Variants in FGF1 observed in about 807,000 individuals in gnomAD.
FGF1 encodes beta-endothelial cell growth factor.
A neutral mutation model predicts 13.4 loss-of-function variants in FGF1; 9 were observed. The ratio of observed to expected loss-of-function variants is 0.67; its 90% CI spans 0.40 to 1.17. The LOEUF is 1.17. Ranked by LOEUF, FGF1 falls within the 50% of genes most tolerant of loss-of-function variation. The pLI is 0.01. For synonymous variants in FGF1, 93 were observed against 79.0 expected (o/e 1.18, Z -0.94); for missense variants, 156 against 192.7 (o/e 0.81, Z 1.13).
At chr5:142,691,430 TAAAATAAAATAA>T (rs1297241088) in intron 2 of FGF1, among the ~76,000 whole-genome samples, 22 of 70,098 alleles carry the variant, frequency 3.1e-4, no homozygotes, top group Admixed American at 1.6e-3. Context: ...TCAAATAAAA[TAAAATAAAATAA>T]AATAAAATAA....
chr5:142,641,808 A>G lies in FGF1; in HGVS notation c.-34-27647T>C, dbSNP rs60588374. On this transcript the variant is annotated intron_variant, in intron 1 of 3. Transcript: ENST00000337706. ...TATTCAATTTCGGTTTACAAATGGAATACGTAAAGAGAATCTTATGATTCC... is the reference window on the plus strand; with the variant it reads ...TATTCAATTTCGGTTTACAAATGGAGTACGTAAAGAGAATCTTATGATTCC... Among the ~76,000 whole-genome samples the G allele has an allele frequency of 1.0e-3, 159 of 151,960 alleles. 4 individuals are homozygous for G. The highest frequency in any genetic ancestry group is 3.8e-3 in the African/African-American group (156 of 41,204).
At chr5:142,612,391 T>C (rs1759260241) in intron 2 of FGF1, among the ~76,000 whole-genome samples, 1 of 152,188 alleles carries the variant, frequency 6.6e-6, no homozygotes, top group South Asian at 2.1e-4. Context: ...ATCATGAAGT[T>C]TGTCTTTCCT....
intron 1 of FGF1, among the ~76,000 whole-genome samples, chr5:142,668,690 T>C (rs1770899804): frequency 6.6e-6 from 1 of 152,250 alleles, no homozygotes; most frequent in Non-Finnish European, 1.5e-5. Flanking sequence ...AACAAGATAG[T>C]GCAAGGGAAG....
chr5:142,671,443 G>A (rs187634840), intron 1 of FGF1, among the ~76,000 whole-genome samples: 38 of 152,260 alleles, frequency 2.5e-4, no homozygotes, highest in Admixed American at 1.6e-3. Flanking sequence ...ACAGACAATC[G>A]TAAAACACAG....
At chr5:142,669,282 A>G (rs1386159892) in intron 1 of FGF1, among the ~76,000 whole-genome samples, 3 of 152,246 alleles carry the variant, frequency 2.0e-5, no homozygotes, top group Non-Finnish European at 4.4e-5. Context: ...AGCAGAGGCC[A>G]CGGGGCACAG....
intron 2 of FGF1, among the ~76,000 whole-genome samples, chr5:142,693,419 G>A (rs1481122892): frequency 6.6e-6 from 1 of 152,088 alleles, no homozygotes; most frequent in African/African-American, 2.4e-5. Flanking sequence ...AGCCTCCCGA[G>A]TAGCTGGGAT....
At position 142,662,313 on chromosome 5, in the gene FGF1, A is replaced by T. The variant is rs138345610; in HGVS notation, c.-35+23644T>A. Among the ~76,000 whole-genome samples the T allele has an allele frequency of 2.0e-3, 308 of 152,328 alleles. 2 individuals are homozygous for T. Among genetic ancestry groups the T allele is most frequent in the African/African-American group, 6.9e-3 (288 of 41,574 alleles). Reference sequence around the variant, plus strand: ...AAATGTTCTCACCTCGTTCACTAATAGTGTCTCTTTTTTCCCAATTTCTTA... The same window carrying T: ...AAATGTTCTCACCTCGTTCACTAATTGTGTCTCTTTTTTCCCAATTTCTTA... On this transcript the variant is annotated intron_variant, in intron 1 of 3. Coordinates refer to ENST00000337706, the MANE Select transcript of FGF1 (RefSeq NM_000800.5).
At chr5:142,693,758 G>A (rs533438946) in intron 2 of FGF1, among the ~76,000 whole-genome samples, 2 of 152,122 alleles carry the variant, frequency 1.3e-5, no homozygotes, top group South Asian at 4.2e-4. Context: ...TCCTGTTCTG[G>A]CCGTTTCATA....
intron 2 of FGF1, among the ~76,000 whole-genome samples, chr5:142,695,102 T>C (rs1402888596): frequency 1.3e-5 from 2 of 152,168 alleles, no homozygotes; most frequent in Non-Finnish European, 2.9e-5. Flanking sequence ...TTACTAGATG[T>C]ATAATTTAGG....
At chr5:142,610,858 T>C (rs1324400178) in intron 2 of FGF1, among the ~76,000 whole-genome samples, 2 of 152,136 alleles carry the variant, frequency 1.3e-5, no homozygotes, top group East Asian at 3.8e-4. Context: ...TAAGGAAGGT[T>C]AGGTACTTGG....
At chr5:142,598,432 TGTC>T (rs1268358106) in intron 3 of FGF1, among the ~76,000 whole-genome samples, 1 of 152,180 alleles carries the variant, frequency 6.6e-6, no homozygotes, top group African/African-American at 2.4e-5. Context: ...TTGTTTAAAT[TGTC>T]TTCTTTTTTA....
At chr5:142,647,737 G>A (rs1240527301) in intron 1 of FGF1, among the ~76,000 whole-genome samples, 3 of 152,128 alleles carry the variant, frequency 2.0e-5, no homozygotes, top group South Asian at 2.1e-4. Flanking sequence ...GTCACATGAG[G>A]TCAGGTGTAG....
intron 1 of FGF1, among the ~76,000 whole-genome samples, chr5:142,629,281 G>C (rs887232795): frequency 1.3e-5 from 2 of 152,098 alleles, no homozygotes; most frequent in Non-Finnish European, 2.9e-5. Flanking sequence ...TCAGCCTCCT[G>C]AGTAGCTCAG....
intron 1 of FGF1, among the ~76,000 whole-genome samples, chr5:142,650,702 G>A (rs1347517519): frequency 1.3e-5 from 2 of 151,896 alleles, no homozygotes; most frequent in Non-Finnish European, 2.9e-5. Context: ...TATGTATACT[G>A]TGGTCTCATT....
Position 142,658,848 on chromosome 5 carries a change from C to T in FGF1, c.-35+27109G>A, listed in dbSNP as rs138564305. 3.4e-3 allele frequency among the ~76,000 whole-genome samples: 516 copies of T among 152,152 alleles called. 4 individuals carry two copies. Among genetic ancestry groups the T allele is most frequent in the African/African-American group, 0.012 (493 of 41,488 alleles). ...CATGGTGCTCTGGGGATGCTTCTGC[C>T]GTGATCATGAACTCTTCCAGGGGAG... On this transcript the variant is annotated intron_variant, in intron 1 of 3. Transcript: ENST00000337706.
rs191331161 is a variant in FGF1 at position 142,626,536 on chromosome 5, G to A, written c.-34-12375C>T. ...GAGAATAAAATGCCCCTTGAACTGA[G>A]TGACCCTTGAGCTTCTCTATTCTTT... On this transcript the variant is annotated intron_variant, in intron 1 of 3. Coordinates refer to ENST00000337706, the MANE Select transcript of FGF1 (RefSeq NM_000800.5). Among the ~76,000 whole-genome samples, 19 of 152,350 alleles carry A rather than the reference G, an allele frequency of 1.2e-4. No individual in the cohort carries two copies. The East Asian group carries it at 3.5e-3, about 28-fold the overall frequency.
intron 1 of FGF1, among the ~76,000 whole-genome samples, chr5:142,619,769 G>C (rs1029470247): frequency 4.0e-5 from 6 of 151,518 alleles, no homozygotes; most frequent in Non-Finnish European, 7.4e-5. Context: ...GGAGGCGGAG[G>C]TTGTGATGAG....
chr5:142,613,331 A>G (rs1180304130), intron 2 of FGF1, among the ~76,000 whole-genome samples: 1 of 152,362 alleles, frequency 6.6e-6, no homozygotes, highest in East Asian at 1.9e-4. Flanking sequence ...GCTGCCAGGA[A>G]GTCCTGGAAG....
intron 1 of FGF1, among the ~76,000 whole-genome samples, chr5:142,652,022 C>T (rs1767356487): frequency 6.6e-6 from 1 of 152,140 alleles, no homozygotes; most frequent in African/African-American, 2.4e-5. Context: ...TCTGCACTGC[C>T]TCACATAGTC....
Sources: gnomAD v4.1 joint callset for allele counts (sites outside exome capture counted in the v4.1 genomes callset) on GRCh38, gnomAD v4.1.1 for gene constraint, MANE v1.5 for transcripts, NCBI Gene and HGNC (gene_info 2026-07-23, HGNC 2026-07-21) for gene names.